Variants in WDPCP observed in about 807,000 individuals in gnomAD.
WDPCP encodes WD repeat containing planar cell polarity effector, also known as WD repeat-containing and planar cell polarity effector protein fritz homolog.
In WDPCP, 71 loss-of-function variants were observed where a neutral mutation model predicts 93.1. The observed-to-expected ratio is 0.76, with a 90% CI of 0.63 to 0.93. The LOEUF (loss-of-function observed/expected upper bound fraction) is 0.93, where lower values mean the gene tolerates loss of function less well. Among genes scored for constraint, WDPCP ranks in the 40% least tolerant of loss-of-function variants. The pLI is 0.00. For missense variants in WDPCP, 844 were observed against 887.4 expected (o/e 0.95, Z 0.62); for synonymous variants, 315 against 315.0 (o/e 1.00, Z 0.00).
At chr2:63,588,504 A>G, upstream of WDPCP, 1 of 618,678 alleles carries the variant, frequency 1.6e-6, no homozygotes, top group Non-Finnish European at 2.9e-6. Flanking sequence ...CAGAGTGTCA[A>G]TCGTTTTTTA....
At chr2:63,719,044 C>T (rs752796123) in intron 2 of WDPCP, among the ~76,000 whole-genome samples, 1 of 151,976 alleles carries the variant, frequency 6.6e-6, no homozygotes, top group Non-Finnish European at 1.5e-5. Context: ...AGAGTCTTGA[C>T]AAGGAAACAG....
At chr2:63,449,384 C>G (rs73937814) in intron 6 of WDPCP, among the ~76,000 whole-genome samples, 1 of 152,056 alleles carries the variant, frequency 6.6e-6, no homozygotes, top group Non-Finnish European at 1.5e-5. Flanking sequence ...CCCCCACTTT[C>G]CAGAAAGAAG....
intron 14 of WDPCP, among the ~76,000 whole-genome samples, chr2:63,178,812 A>G (rs1459290679): frequency 1.3e-5 from 2 of 151,616 alleles, no homozygotes; most frequent in Admixed American, 6.6e-5. Flanking sequence ...TTAATTTTCA[A>G]TCTTTCTTCT....
At chr2:63,574,617 G>A (rs572429243) in intron 1 of WDPCP, among the ~76,000 whole-genome samples, 1 of 152,158 alleles carries the variant, frequency 6.6e-6, no homozygotes, top group South Asian at 2.1e-4. Context: ...AACATGGGTA[G>A]ACATGAATCA....
At chr2:63,681,717 A>T (rs1335450924) in intron 2 of WDPCP, among the ~76,000 whole-genome samples, 1 of 152,172 alleles carries the variant, frequency 6.6e-6, no homozygotes, top group Non-Finnish European at 1.5e-5. Flanking sequence ...GTGGTTACAG[A>T]GGGCCTCGGA....
At chr2:63,141,984 C>T (rs1480981171) in intron 17 of WDPCP, among the ~76,000 whole-genome samples, 4 of 152,066 alleles carry the variant, frequency 2.6e-5, no homozygotes, top group African/African-American at 9.7e-5. Flanking sequence ...TGTAATATCT[C>T]CTGTTTCGTT....
chr2:63,633,625 T>C (rs764921302), intron 3 of WDPCP, among the ~76,000 whole-genome samples: 5 of 151,504 alleles, frequency 3.3e-5, no homozygotes, highest in Non-Finnish European at 7.4e-5. Context: ...AATCAAAGCA[T>C]TCCACTATGG....
intron 1 of WDPCP, among the ~76,000 whole-genome samples, chr2:63,555,313 G>A (rs944275477): frequency 6.6e-6 from 1 of 152,224 alleles, no homozygotes; most frequent in Admixed American, 6.5e-5. Context: ...AGCAACTCTA[G>A]CCAGGGGTTT....
intron 2 of WDPCP, among the ~76,000 whole-genome samples, chr2:63,654,541 G>C (rs1032967926): frequency 7.2e-5 from 11 of 152,100 alleles, no homozygotes; most frequent in African/African-American, 2.7e-4. Flanking sequence ...TCCTTTCAGA[G>C]GAAAAGCTTG....
chr2:63,476,053 T>C lies in WDPCP; in HGVS notation c.384+8551A>G, dbSNP rs1699954958. Among the ~76,000 whole-genome samples, 3 of 152,278 alleles carry C rather than the reference T, an allele frequency of 2.0e-5. No individual in the cohort carries two copies. The South Asian group carries it at 6.2e-4, about 32-fold the overall frequency. On this transcript the variant is annotated intron_variant, in intron 6 of 17. Transcript: ENST00000272321. ...AAACTAAATTTTTTACCTGTCATTC[T>C]AAATTTTTCTGGCTTTCAAAACCCT...
chr2:63,589,072 C>T (rs1293074869), upstream of WDPCP: 4 of 1,614,182 alleles, frequency 2.5e-6, no homozygotes, highest in Non-Finnish European at 3.4e-6. Flanking sequence ...GGGTTCCTGC[C>T]CACCTCTGGC....
chr2:63,797,159 G>A (rs1426405789), intron 2 of WDPCP, among the ~76,000 whole-genome samples: 1 of 152,112 alleles, frequency 6.6e-6, no homozygotes, highest in African/African-American at 2.4e-5. Context: ...AACAGATCTT[G>A]GACTCTGAAT....
At chr2:63,525,109 G>C (rs1449015134) in intron 1 of WDPCP, among the ~76,000 whole-genome samples, 1 of 152,186 alleles carries the variant, frequency 6.6e-6, no homozygotes, top group East Asian at 1.9e-4. Context: ...CATGGATGGA[G>C]CTGGAGGTCA....
intron 2 of WDPCP, among the ~76,000 whole-genome samples, chr2:63,686,421 C>G (rs1668804934): frequency 6.6e-6 from 1 of 152,084 alleles, no homozygotes; most frequent in Non-Finnish European, 1.5e-5. Flanking sequence ...CTATAAAACA[C>G]TGATTCTAGA....
intron 14 of WDPCP, among the ~76,000 whole-genome samples, chr2:63,230,941 G>A (rs1159194435): frequency 6.6e-6 from 1 of 152,042 alleles, no homozygotes; most frequent in South Asian, 2.1e-4. Flanking sequence ...AATTTAATCA[G>A]ATCCCATTTC....
At chr2:63,549,829 A>T (rs1705445664) in intron 1 of WDPCP, among the ~76,000 whole-genome samples, 2 of 152,182 alleles carry the variant, frequency 1.3e-5, no homozygotes, top group Non-Finnish European at 1.5e-5. Context: ...AGACGGACAT[A>T]AGAACACACC....
chr2:63,700,451 G>A (rs1016053738), intron 2 of WDPCP, among the ~76,000 whole-genome samples: 2 of 152,084 alleles, frequency 1.3e-5, no homozygotes, highest in African/African-American at 4.8e-5. Context: ...CACAGACATG[G>A]TGAGTGAGAG....
chr2:63,433,629 A>T, intron 9 of WDPCP, 116 bp downstream of exon 9: 1 of 1,128,550 alleles, frequency 8.9e-7, no homozygotes, highest in African/African-American at 1.6e-5. Context: ...CTTTTTGAAT[A>T]TTTGAAAAAC....
chr2:63,220,081 CCTT>C (rs1310823345), intron 14 of WDPCP, among the ~76,000 whole-genome samples: 1 of 152,116 alleles, frequency 6.6e-6, no homozygotes, highest in Admixed American at 6.6e-5. Context: ...GACTGCACCT[CCTT>C]CTTCTGCTAC....
Sources: allele counts gnomAD v4.1 joint callset (sites outside exome capture counted in the v4.1 genomes callset), GRCh38; gene constraint gnomAD v4.1.1; transcripts MANE v1.5; gene names NCBI Gene and HGNC (gene_info 2026-07-23, HGNC 2026-07-21).